The following KCNC1 variants were observed in gnomAD, a reference collection of about 807,000 sequenced individuals.
KCNC1 encodes the protein potassium voltage-gated channel subfamily C member 1, also known as voltage-gated potassium channel KCNC1.
A neutral mutation model predicts 43.4 loss-of-function variants in KCNC1; 8 were observed. That is an observed-to-expected ratio of 0.18 (90% CI 0.11 to 0.33). KCNC1 has a LOEUF of 0.33. Ranked by LOEUF, KCNC1 falls within the 10% of genes least tolerant of loss-of-function variation. The probability of loss-of-function intolerance (pLI) is 1.00; values close to 1 mark genes in which losing one functional copy is unlikely to be tolerated. For synonymous variants in KCNC1, 361 were observed against 360.5 expected (o/e 1.00, Z -0.01); for missense variants, 420 against 836.0 (o/e 0.50, Z 6.14).
chr11:17,749,420 C>T (rs995310432), intron 1 of KCNC1, among the ~76,000 whole-genome samples: 4 of 152,338 alleles, frequency 2.6e-5, no homozygotes, highest in South Asian at 2.1e-4. Flanking sequence ...GGGGAGGCTT[C>T]GATGGGGACC....
In KCNC1 at chr11:17,779,673, A is replaced by G. The variant is rs16934718; in HGVS notation, c.1693+29A>G. 27,442 of 1,475,998 alleles carry G rather than the reference A, an allele frequency of 0.019. 1,288 individuals are homozygous for G. The highest frequency in any genetic ancestry group is 0.17 in the East Asian group (6,715 of 38,566). The allele number at this position is 1,475,998 out of a possible 1,614,324, so 91.4% of individuals were successfully genotyped here. A position where few individuals can be genotyped will look rare whatever the true frequency, so the allele number is the denominator to read the frequency against. The stretch of plus-strand genomic sequence containing the variant: ...TGTAGAGGAAGCTGGAGCACCGTGC[A>G]TCGTCCGGGCCGCCTCGCGCTCCTG... On this transcript the variant is annotated intron_variant, in intron 3 of 3. Coordinates refer to ENST00000265969, the MANE Select transcript of KCNC1 (RefSeq NM_001112741.2). The surrounding 1 kb of genome is among the most constrained non-coding windows in gnomAD (Gnocchi z 7.2).
At chr11:17,765,867 G>A (rs1324494437) in intron 1 of KCNC1, 3 of 152,390 alleles carry the variant, frequency 2.0e-5, no homozygotes, top group African/African-American at 7.2e-5. Context: ...CTGCAGGCAT[G>A]GCGTGTAGAA....
At chr11:17,737,442 A>G (rs1311433395) in intron 1 of KCNC1, among the ~76,000 whole-genome samples, 1 of 152,016 alleles carries the variant, frequency 6.6e-6, no homozygotes, top group Admixed American at 6.5e-5. Context: ...ACTCCCCTAT[A>G]GCCATACCAG....
intron 1 of KCNC1, among the ~76,000 whole-genome samples, chr11:17,744,823 C>A (rs1316353882): frequency 6.6e-6 from 1 of 152,026 alleles, no homozygotes; most frequent in East Asian, 1.9e-4. Context: ...CCCACCCATG[C>A]CTGACCCTCA....
At position 17,772,237 on chromosome 11, in the gene KCNC1, C is replaced by T; in HGVS notation, c.1143C>T (p.His381=). 6.2e-7 allele frequency: 1 copy of T among 1,614,106 alleles called. No homozygotes were observed. The highest frequency in any genetic ancestry group is 8.5e-7 in the Non-Finnish European group (1 of 1,180,038). ...CCAATGACCCCAGCGCCAGTGAGCA[C>T]ACGCACTTTAAGAACATCCCCATCG... is the stretch of plus-strand genomic sequence containing the variant. The part of the protein sequence containing the change: ...AQPNDPSASE[H]THFKNIPIGF... Residue 381 remains histidine (H), a synonymous_variant, in exon 2 of 4, where the codon CAC becomes CAT. Transcript: ENST00000265969.
intron 1 of KCNC1, among the ~76,000 whole-genome samples, chr11:17,752,711 T>C (rs933115533): frequency 6.6e-6 from 1 of 152,236 alleles, no homozygotes; most frequent in East Asian, 1.9e-4. Flanking sequence ...TGTATGACCA[T>C]GGACAACTTA....
rs976794623 is a variant in KCNC1 at position 17,742,483 on chromosome 11, G to A, written c.570+5911G>A. Among the ~76,000 whole-genome samples the A allele has an allele frequency of 4.6e-5, 7 of 152,234 alleles. No individual in the cohort carries two copies. Among genetic ancestry groups the A allele is most frequent in the African/African-American group, 1.7e-4 (7 of 41,454 alleles). On this transcript the variant is annotated intron_variant, in intron 1 of 3. Transcript: ENST00000265969. The surrounding 1 kb of genome is among the most constrained non-coding windows in gnomAD (Gnocchi z 4.2). Reference sequence around the variant, plus strand: ...CTCTAGACCAAAAGGTCAGGGCCTTGAGCCACTGCCTCCCATCAGCTCTGG... The same window carrying A: ...CTCTAGACCAAAAGGTCAGGGCCTTAAGCCACTGCCTCCCATCAGCTCTGG...
At position 17,779,299 on chromosome 11, in the gene KCNC1, C is replaced by T; in HGVS notation, c.1505-157C>T. On this transcript the variant is annotated intron_variant, in intron 2 of 3. Transcript: ENST00000265969. This position sits in a 1 kb window ranked among gnomAD's most constrained non-coding sequence, Gnocchi z 7.2. Reference sequence around the variant, plus strand: ...TGAGCTGAACCCCCCACCAAGCCCCCTGCCTTGTGCCCTCCTCGCTCCACA... The same window carrying T: ...TGAGCTGAACCCCCCACCAAGCCCCTTGCCTTGTGCCCTCCTCGCTCCACA... The T allele has an allele frequency of 1.7e-6, 1 of 602,644 alleles. No individual in the cohort carries two copies. Among genetic ancestry groups the T allele is most frequent in the Non-Finnish European group, 2.8e-6 (1 of 355,100 alleles). The allele number at this position is 602,644 out of a possible 1,614,324, so 37.3% of individuals were successfully genotyped here. A position where few individuals can be genotyped will look rare whatever the true frequency, so the allele number is the denominator to read the frequency against.
rs1849299143 is a variant in KCNC1, at chr11:17,777,437, C to T, written c.1505-2019C>T. 6 of 985,974 alleles carry T rather than the reference C, an allele frequency of 6.1e-6. No homozygotes were observed. Among genetic ancestry groups the T allele is most frequent in the Non-Finnish European group, 7.2e-6 (6 of 829,992 alleles). The allele number at this position is 985,974 out of a possible 1,614,324, so 61.1% of individuals were successfully genotyped here. A position where few individuals can be genotyped will look rare whatever the true frequency, so the allele number is the denominator to read the frequency against. On this transcript the variant is annotated intron_variant, in intron 2 of 3. Coordinates refer to ENST00000265969, the MANE Select transcript of KCNC1 (RefSeq NM_001112741.2). This position sits in a 1 kb window ranked among gnomAD's most constrained non-coding sequence, Gnocchi z 4.3. The stretch of plus-strand genomic sequence containing the variant: ...AGGGTGCTATGGGCCTCAACCCCCA[C>T]ATCGTCATCCGCGTCCTCTCCATAC...
chr11:17,771,845 G>A lies in KCNC1; in HGVS notation c.751G>A (p.Val251Ile), dbSNP rs1465921956. The A allele has an allele frequency of 1.2e-5, 19 of 1,614,054 alleles. No homozygotes were observed. The highest frequency in any genetic ancestry group is 2.7e-5 in the African/African-American group (2 of 74,944). The change falls in exon 2 of 4, where the codon GTC (valine) becomes ATC (isoleucine). Residue 251 changes from valine to isoleucine, a missense_variant. Physicochemically the swap from Val to Ile is conservative, Grantham distance 29. This residue lies in a region of KCNC1 where 151 missense variants were observed against 216.7 expected (regional missense o/e 0.70). Transcript: ENST00000265969. This position sits in a 1 kb window ranked among gnomAD's most constrained non-coding sequence, Gnocchi z 4.7. ...TEAFLTYIEG[V>I]CVVWFTFEFL... The stretch of plus-strand genomic sequence containing the variant: ...GGCCTTCCTTACCTACATCGAGGGC[G>A]TCTGTGTGGTCTGGTTCACCTTCGA...
At chr11:17,753,006 A>C (rs1432773930) in intron 1 of KCNC1, among the ~76,000 whole-genome samples, 1 of 152,248 alleles carries the variant, frequency 6.6e-6, no homozygotes, top group Non-Finnish European at 1.5e-5. Context: ...AAATGAATGA[A>C]AGCTGCATAG....
intron 2 of KCNC1, 66 bp downstream of exon 2, chr11:17,772,664 A>G: frequency 6.4e-7 from 1 of 1,568,670 alleles, no homozygotes; most frequent in Non-Finnish European, 8.6e-7. Flanking sequence ...CGATGATTCC[A>G]GATCCAGTCA....
At chr11:17,774,337 G>C in intron 2 of KCNC1, 5 of 985,522 alleles carry the variant, frequency 5.1e-6, no homozygotes, top group Non-Finnish European at 6.0e-6. Flanking sequence ...AGCCTGAGTG[G>C]CATCACTGTG....
chr11:17,751,336 G>A lies in KCNC1; in HGVS notation c.570+14764G>A, dbSNP rs375947354. 1.6e-3 allele frequency among the ~76,000 whole-genome samples: 245 copies of A among 152,354 alleles called. 1 individual carries two copies. In the Middle Eastern group the frequency reaches 0.037, roughly 23 times the overall value. ...ATATGTGGATGGATACAAGTGAATGGATGGAAGGAGGGACATATGGATTGA... is the reference window on the plus strand; with the variant it reads ...ATATGTGGATGGATACAAGTGAATGAATGGAAGGAGGGACATATGGATTGA... On this transcript the variant is annotated intron_variant, in intron 1 of 3. Coordinates refer to ENST00000265969, the MANE Select transcript of KCNC1 (RefSeq NM_001112741.2).
chr11:17,764,984 G>T (rs1849132453), intron 1 of KCNC1, among the ~76,000 whole-genome samples: 3 of 152,208 alleles, frequency 2.0e-5, no homozygotes, highest in Admixed American at 2.0e-4. Context: ...ATTTAATTAG[G>T]CGGAAAAACT....
chr11:17,753,398 C>T (rs908311270), intron 1 of KCNC1, among the ~76,000 whole-genome samples: 4 of 152,224 alleles, frequency 2.6e-5, no homozygotes, highest in Non-Finnish European at 5.9e-5. Context: ...GTCCTGGTCC[C>T]GGCTTGGACA....
At chr11:17,741,154 GC>G (rs548886314) in intron 1 of KCNC1, among the ~76,000 whole-genome samples, 1 of 151,872 alleles carries the variant, frequency 6.6e-6, no homozygotes, top group African/African-American at 2.4e-5. Flanking sequence ...ACCACAGTGT[GC>G]CCCCCTGCTT....
Position 17,735,995 on chromosome 11 carries a change from G to A in KCNC1, c.-8G>A, listed in dbSNP as rs1298997012. 6 of 1,449,360 alleles carry A rather than the reference G, an allele frequency of 4.1e-6. No individual in the cohort carries two copies. In the Admixed American group the frequency reaches 1.3e-4, roughly 31 times the overall value. 89.8% of individuals were successfully genotyped at this position (1,449,360 alleles called of 1,614,324 possible). On this transcript the variant is annotated 5_prime_UTR_variant, in exon 1 of 4. Transcript: ENST00000265969. This position sits in a 1 kb window ranked among gnomAD's most constrained non-coding sequence, Gnocchi z 6.7. ...GCTGGGCCGCGCCATGCCTAAGGGG[G>A]CGCCGCGATGGGCCAAGGGGACGAG...
rs1416255359 is a variant in KCNC1, at chr11:17,779,273, AT to A, written c.1505-182del. 7 of 549,796 alleles carry A rather than the reference AT, an allele frequency of 1.3e-5. No homozygotes were observed. In the East Asian group the frequency reaches 2.1e-4, roughly 17 times the overall value. The allele number at this position is 549,796 out of a possible 1,614,324, so 34.1% of individuals were successfully genotyped here. A position where few individuals can be genotyped will look rare whatever the true frequency, so the allele number is the denominator to read the frequency against. ...TGTGGGCAGCCCGAAGGCTGCCTGA[AT>A]GAGCTGAACCCCCCACCAAGCCCCC... On this transcript the variant is annotated intron_variant, in intron 2 of 3. Transcript: ENST00000265969. This position sits in a 1 kb window ranked among gnomAD's most constrained non-coding sequence, Gnocchi z 7.2.
Sources: allele counts gnomAD v4.1 joint callset (sites outside exome capture counted in the v4.1 genomes callset), GRCh38; gene constraint gnomAD v4.1.1; regional missense constraint gnomAD v4.1.1; non-coding constraint Gnocchi (gnomAD v3.1); transcripts MANE v1.5; gene names NCBI Gene and HGNC (gene_info 2026-07-23, HGNC 2026-07-21).